Variants in DPH6 observed in about 807,000 individuals in gnomAD.
The protein encoded by DPH6 is diphthamine biosynthesis 6.
A neutral mutation model predicts 38.2 loss-of-function variants in DPH6; 33 were observed. The observed-to-expected ratio is 0.86, with a 90% CI of 0.65 to 1.15. The LOEUF (loss-of-function observed/expected upper bound fraction) is 1.15. Ranked by LOEUF, DPH6 falls within the 50% of genes most tolerant of loss-of-function variation. The pLI, the probability that DPH6 is intolerant of heterozygous loss-of-function variation, is 0.00. For synonymous variants in DPH6, 108 were observed against 103.0 expected (o/e 1.05, Z -0.30); for missense variants, 325 against 320.0 (o/e 1.02, Z -0.12).
At chr15:35,164,668 C>T in the DPH6 span, among the ~76,000 whole-genome samples, 3 of 151,718 alleles carry the variant, frequency 2.0e-5, no homozygotes, top group South Asian at 2.1e-4. Context: ...GGTCTCTTGC[C>T]GTATTTTTAC....
At chr15:35,483,751 A>C (rs1165265997) in intron 3 of DPH6, among the ~76,000 whole-genome samples, 2 of 152,244 alleles carry the variant, frequency 1.3e-5, no homozygotes, top group Non-Finnish European at 2.9e-5. Flanking sequence ...CATTCACAGC[A>C]GCATTACACA....
chr15:35,331,352 G>C (rs1415072661), intron 3 of DPH6, among the ~76,000 whole-genome samples: 1 of 152,066 alleles, frequency 6.6e-6, no homozygotes. Context: ...ATATAGACTT[G>C]AAGCATTTAA....
At chr15:35,182,198 T>A in the DPH6 span, among the ~76,000 whole-genome samples, 1 of 142,560 alleles carries the variant, frequency 7.0e-6, no homozygotes, top group Non-Finnish European at 1.5e-5. Context: ...ATAATGCTGA[T>A]CAAAACTGGA....
intron 6 of DPH6, among the ~76,000 whole-genome samples, chr15:35,410,122 T>C (rs944679356): frequency 6.6e-6 from 1 of 151,818 alleles, no homozygotes; most frequent in Non-Finnish European, 1.5e-5. Context: ...ATTAAGAGCA[T>C]GGGACAAGAA....
At chr15:35,388,470 C>A (rs991676492) in intron 6 of DPH6, among the ~76,000 whole-genome samples, 1 of 152,150 alleles carries the variant, frequency 6.6e-6, no homozygotes, top group Non-Finnish European at 1.5e-5. Flanking sequence ...TCCATCTGGT[C>A]CTGGACTGTT....
chr15:35,149,233 CTTTGTTTG>C, the DPH6 span, among the ~76,000 whole-genome samples: 1 of 152,004 alleles, frequency 6.6e-6, no homozygotes, highest in Non-Finnish European at 1.5e-5. Context: ...TGTCACTAGT[CTTTGTTTG>C]TTTGTTTGTT....
At chr15:35,494,964 T>C (rs2054530094) in intron 3 of DPH6, among the ~76,000 whole-genome samples, 1 of 152,262 alleles carries the variant, frequency 6.6e-6, no homozygotes. Flanking sequence ...ATCATGTGTG[T>C]AGAAAAGCCA....
intron 3 of DPH6, among the ~76,000 whole-genome samples, chr15:35,462,901 A>C (rs1468423424): frequency 1.3e-5 from 2 of 152,162 alleles, no homozygotes; most frequent in Non-Finnish European, 2.9e-5. Flanking sequence ...GTACTTAAAC[A>C]ATGACCTAAA....
At chr15:35,461,647 C>T (rs988941859) in intron 3 of DPH6, among the ~76,000 whole-genome samples, 1 of 151,216 alleles carries the variant, frequency 6.6e-6, no homozygotes, top group African/African-American at 2.4e-5. Context: ...TGGCACACTG[C>T]TAATAATGAT....
intron 3 of DPH6, among the ~76,000 whole-genome samples, chr15:35,490,511 G>C (rs2054462600): frequency 6.6e-6 from 1 of 152,142 alleles, no homozygotes; most frequent in South Asian, 2.1e-4. Flanking sequence ...AAATTCATGT[G>C]TGCGATTCAT....
chr15:35,236,444 C>T (rs919350666), intron 3 of DPH6, among the ~76,000 whole-genome samples: 6 of 151,986 alleles, frequency 3.9e-5, no homozygotes, highest in East Asian at 1.9e-4. Flanking sequence ...CGAGACCATC[C>T]GGGCTAACAC....
chr15:35,395,352 T>G (rs1234634351), intron 6 of DPH6, among the ~76,000 whole-genome samples: 1 of 152,214 alleles, frequency 6.6e-6, no homozygotes, highest in Non-Finnish European at 1.5e-5. Flanking sequence ...AATCCATGAA[T>G]ACTGCTGCCA....
intron 5 of DPH6, among the ~76,000 whole-genome samples, chr15:35,432,131 G>C (rs936044677): frequency 1.3e-5 from 2 of 152,096 alleles, no homozygotes; most frequent in African/African-American, 4.8e-5. Context: ...TGCTATAAAG[G>C]TGGATGAAGA....
intron 3 of DPH6, among the ~76,000 whole-genome samples, chr15:35,312,985 T>C (rs2052157279): frequency 6.6e-6 from 1 of 152,160 alleles, no homozygotes; most frequent in Non-Finnish European, 1.5e-5. Flanking sequence ...CCCAGCACTT[T>C]GGGAGGCTAA....
chr15:35,421,828 C>T (rs570843102), intron 5 of DPH6, among the ~76,000 whole-genome samples: 4 of 152,188 alleles, frequency 2.6e-5, no homozygotes, highest in Admixed American at 6.5e-5. Context: ...TCCAATTTGA[C>T]TTCTGAAAAG....
chr15:35,246,080 A>G (rs1401394734), intron 3 of DPH6, among the ~76,000 whole-genome samples: 2 of 152,110 alleles, frequency 1.3e-5, no homozygotes, highest in Non-Finnish European at 2.9e-5. Flanking sequence ...CCAGCCAGAG[A>G]ACAACCCCTT....
intron 3 of DPH6, among the ~76,000 whole-genome samples, chr15:35,285,632 A>G (rs563967593): frequency 6.6e-6 from 1 of 152,164 alleles, no homozygotes; most frequent in African/African-American, 2.4e-5. Flanking sequence ...ATAACACACC[A>G]TTTTTCTCTA....
intron 6 of DPH6, among the ~76,000 whole-genome samples, chr15:35,383,360 T>C (rs2052897934): frequency 6.6e-6 from 1 of 152,232 alleles, no homozygotes; most frequent in Admixed American, 6.5e-5. Context: ...ATATTTTCAA[T>C]TCACATAAAA....
chr15:35,290,653 G>A (rs1333082885), intron 3 of DPH6, among the ~76,000 whole-genome samples: 1 of 152,150 alleles, frequency 6.6e-6, no homozygotes, highest in Non-Finnish European at 1.5e-5. Context: ...GCCACTGTTA[G>A]TCTGTCTCAT....
Sources: allele counts gnomAD v4.1 joint callset (sites outside exome capture counted in the v4.1 genomes callset), GRCh38; gene constraint gnomAD v4.1.1; transcripts MANE v1.5; gene names NCBI Gene and HGNC (gene_info 2026-07-23, HGNC 2026-07-21).